CAPN5: variants seen among roughly 807,000 people sequenced by gnomAD.
CAPN5 encodes the protein calpain 5.
A neutral mutation model predicts 73.0 loss-of-function variants in CAPN5; 54 were observed. The ratio of observed to expected loss-of-function variants is 0.74; its 90% CI spans 0.59 to 0.93. The LOEUF is 0.93. Among genes scored for constraint, CAPN5 ranks in the 40% least tolerant of loss-of-function variants. The pLI is 0.00. For missense variants in CAPN5, 785 were observed against 882.9 expected, an observed-to-expected ratio of 0.89 and a Z score of 1.41; for synonymous variants, 335 against 356.9, an observed-to-expected ratio of 0.94 and a Z score of 0.69.
intron 1 of CAPN5, chr11:77,073,028 C>T: frequency 8.0e-7 from 1 of 1,254,352 alleles, no homozygotes; most frequent in African/African-American, 1.5e-5. Flanking sequence ...GCACACAGCC[C>T]CCACCCCACC....
At chr11:77,088,422 C>A (rs1417178407) in intron 2 of CAPN5, among the ~76,000 whole-genome samples, 1 of 152,196 alleles carries the variant, frequency 6.6e-6, no homozygotes, top group African/African-American at 2.4e-5. Flanking sequence ...GAATGACCCC[C>A]TTCTGGGCAT....
At chr11:77,100,083 C>A (rs147161694) in intron 3 of CAPN5, among the ~76,000 whole-genome samples, 2 of 152,160 alleles carry the variant, frequency 1.3e-5, no homozygotes, top group Non-Finnish European at 2.9e-5. Context: ...GTGATCCACC[C>A]GCCTCGGCCT....
Position 77,116,140 on chromosome 11 carries a change from C to T in CAPN5, c.894-86C>T, listed in dbSNP as rs1354359291. ...GGAGGCCTGGTGCAAGACTGCCCCT[C>T]GTGCCTCCTCGCCTTTGCCAGACAG... On this transcript the variant is annotated intron_variant, in intron 6 of 12. Coordinates refer to ENST00000648180, the MANE Select transcript of CAPN5 (RefSeq NM_004055.5). 38 of 1,257,304 alleles carry T rather than the reference C, an allele frequency of 3.0e-5. No individual in the cohort carries two copies. The Admixed American group carries it at 3.8e-4, about 12-fold the overall frequency. 77.9% of individuals were successfully genotyped at this position (1,257,304 alleles called of 1,614,324 possible).
intron 12 of CAPN5, 83 bp downstream of exon 12, chr11:77,122,795 C>G (rs1950536515): frequency 6.4e-7 from 1 of 1,570,454 alleles, no homozygotes; most frequent in African/African-American, 1.4e-5. Context: ...AGGTGGAAGA[C>G]CCTCTGACGA....
At chr11:77,108,178 C>T (rs1565272901) in intron 3 of CAPN5, among the ~76,000 whole-genome samples, 1 of 152,330 alleles carries the variant, frequency 6.6e-6, no homozygotes, top group East Asian at 1.9e-4. Context: ...AGACTCCAGC[C>T]AGCTTTGGAG....
At chr11:77,116,670 G>A (rs554323575) in intron 7 of CAPN5, among the ~76,000 whole-genome samples, 30 of 152,340 alleles carry the variant, frequency 2.0e-4, no homozygotes, top group African/African-American at 6.7e-4. Flanking sequence ...GCAGTATGGT[G>A]TGGCCAGGGG....
At position 77,118,257 on chromosome 11, in the gene CAPN5, C is replaced by A. The variant is rs141204411; in HGVS notation, c.1072C>A (p.Arg358=). 3.7e-6 allele frequency: 6 copies of A among 1,614,096 alleles called. No homozygotes were observed. The African/African-American group carries it at 4.0e-5, about 11-fold the overall frequency. Residue 358 remains arginine (R), a synonymous_variant, in exon 8 of 13, where the codon CGG becomes AGG. Coordinates refer to ENST00000648180, the MANE Select transcript of CAPN5 (RefSeq NM_004055.5). Reference sequence around the variant, plus strand: ...CATCCACAAGACGTGGGAGGAGGCCCGGCTGCATGGCGCCTGGACGCTGCA... The same window carrying A: ...CATCCACAAGACGTGGGAGGAGGCCAGGCTGCATGGCGCCTGGACGCTGCA... The part of the protein sequence containing the change: ...LSIHKTWEEA[R]LHGAWTLHED...
At chr11:77,067,450 C>T (rs1254857042) in intron 1 of CAPN5, among the ~76,000 whole-genome samples, 16 of 152,156 alleles carry the variant, frequency 1.1e-4, no homozygotes, top group Admixed American at 8.5e-4. Context: ...CAGTTCCCCC[C>T]TTCTCTTCCC....
chr11:77,078,800 G>C (rs781991681), intron 1 of CAPN5, among the ~76,000 whole-genome samples: 40 of 151,816 alleles, frequency 2.6e-4, no homozygotes, highest in Non-Finnish European at 4.3e-4. Context: ...TACCTTCTTG[G>C]TAATATTTAT....
chr11:77,102,944 C>G, intron 3 of CAPN5: 2 of 1,613,058 alleles, frequency 1.2e-6, no homozygotes, highest in Non-Finnish European at 1.7e-6. Flanking sequence ...TGAAGCAGCG[C>G]GGGGAGAAGC....
intron 1 of CAPN5, among the ~76,000 whole-genome samples, chr11:77,074,427 T>C (rs979848263): frequency 1.2e-4 from 18 of 152,170 alleles, no homozygotes; most frequent in African/African-American, 4.1e-4. Flanking sequence ...TACCCTGCTG[T>C]GCCCTTGCTG....
intron 1 of CAPN5, among the ~76,000 whole-genome samples, chr11:77,079,282 G>A (rs2135415305): frequency 6.6e-6 from 1 of 152,106 alleles, no homozygotes. Flanking sequence ...TGAAGGTTTT[G>A]CATCTGTGTT....
intron 3 of CAPN5, among the ~76,000 whole-genome samples, chr11:77,102,539 G>A (rs186559388): frequency 4.5e-4 from 69 of 152,364 alleles, no homozygotes; most frequent in Non-Finnish European, 7.5e-4. Context: ...TAGTCAGGGC[G>A]GTTGCCACAG....
chr11:77,105,407 C>T (rs1035764228), intron 3 of CAPN5, among the ~76,000 whole-genome samples: 6 of 152,146 alleles, frequency 3.9e-5, no homozygotes, highest in African/African-American at 1.4e-4. Context: ...TCTCTGGTAG[C>T]CCCAGAGCTG....
At chr11:77,123,140 C>T (rs1555043221) in intron 12 of CAPN5, among the ~76,000 whole-genome samples, 1 of 152,222 alleles carries the variant, frequency 6.6e-6, no homozygotes, top group Non-Finnish European at 1.5e-5. Context: ...CTTCTCCTCT[C>T]AGGCTGATGT....
intron 3 of CAPN5, among the ~76,000 whole-genome samples, chr11:77,098,330 AC>A (rs1233175479): frequency 0.012 from 813 of 67,848 alleles, 3 homozygotes; most frequent in Middle Eastern, 0.032. Flanking sequence ...CGGGGGGCTG[AC>A]CCCCCCACCT....
intron 3 of CAPN5, among the ~76,000 whole-genome samples, chr11:77,110,943 T>G (rs1208174800): frequency 1.3e-5 from 2 of 152,132 alleles, no homozygotes; most frequent in Non-Finnish European, 2.9e-5. Flanking sequence ...GGTTTTCTTC[T>G]AGAAAGAGCT....
intron 7 of CAPN5, among the ~76,000 whole-genome samples, chr11:77,117,003 C>G (rs577899277): frequency 1.3e-5 from 2 of 152,146 alleles, no homozygotes; most frequent in Non-Finnish European, 2.9e-5. Context: ...TTTGGGAGGT[C>G]AAGGTAGAAG....
chr11:77,100,103 C>G (rs1950269307), intron 3 of CAPN5, among the ~76,000 whole-genome samples: 1 of 152,206 alleles, frequency 6.6e-6, no homozygotes, highest in Admixed American at 6.5e-5. Flanking sequence ...TCCCAAGGTG[C>G]TGGGATTACA....
Sources: allele counts gnomAD v4.1 joint callset (sites outside exome capture counted in the v4.1 genomes callset), GRCh38; gene constraint gnomAD v4.1.1; transcripts MANE v1.5; gene names NCBI Gene and HGNC (gene_info 2026-07-23, HGNC 2026-07-21).